The following SLC6A2 variants were observed in gnomAD, a reference collection of about 807,000 sequenced individuals.
SLC6A2 encodes solute carrier family 6 member 2.
A neutral mutation model predicts 71.7 loss-of-function variants in SLC6A2; 26 were observed. That is an observed-to-expected ratio of 0.36 (90% CI 0.27 to 0.50). The LOEUF is 0.50. Among genes scored for constraint, SLC6A2 ranks in the 20% least tolerant of loss-of-function variants. The pLI is 0.96. For synonymous variants in SLC6A2, 363 were observed against 337.9 expected (o/e 1.07, Z -0.82); for missense variants, 581 against 803.9 (o/e 0.72, Z 3.35).
rs1251396262 is a variant in SLC6A2, at chr16:55,703,805, A to C, written c.*1459A>C. The C allele has an allele frequency of 1.4e-5, 14 of 985,230 alleles. No homozygotes were observed. The highest frequency in any genetic ancestry group is 6.2e-5 in the Admixed American group (1 of 16,260). 61.0% of individuals were successfully genotyped at this position (985,230 alleles called of 1,614,324 possible). A position where few individuals can be genotyped will look rare whatever the true frequency, so the allele number is the denominator to read the frequency against. On this transcript the variant is annotated 3_prime_UTR_variant, in exon 15 of 15. Coordinates refer to ENST00000568943, the MANE Select transcript of SLC6A2 (RefSeq NM_001172501.3). ...GCACGTCAAGAAGGTGCTTTGCCTC[A>C]AATTGGGGTGTTGTTGAGCCTGGTG...
At chr16:55,657,309 G>T (rs77339125) in intron 2 of SLC6A2, among the ~76,000 whole-genome samples, 1 of 152,068 alleles carries the variant, frequency 6.6e-6, no homozygotes, top group South Asian at 2.1e-4. Context: ...TGCCAGGTTG[G>T]GTGGGGGAGC....
chr16:55,705,218 G>A lies in SLC6A2; in HGVS notation c.*2872G>A. On this transcript the variant is annotated 3_prime_UTR_variant, in exon 15 of 15. Coordinates refer to ENST00000568943, the MANE Select transcript of SLC6A2 (RefSeq NM_001172501.3). ...CCACCTTTTAGCTTTCATTCTAGAT[G>A]AAAACGAGACAAGGGAGAAGGAGAG... The A allele has an allele frequency of 6.5e-7, 1 of 1,535,810 alleles. No individual in the cohort carries two copies. The highest frequency in any genetic ancestry group is 8.7e-7 in the Non-Finnish European group (1 of 1,146,400).
chr16:55,682,352 G>T (rs1000996446), intron 4 of SLC6A2, among the ~76,000 whole-genome samples: 1 of 152,184 alleles, frequency 6.6e-6, no homozygotes, highest in Non-Finnish European at 1.5e-5. Flanking sequence ...TTAGAAATTT[G>T]CCACAAGTGA....
chr16:55,691,868 C>T (rs371256352), intron 5 of SLC6A2, 50 bp from the exon 6 acceptor site: 27 of 1,609,692 alleles, frequency 1.7e-5, no homozygotes, highest in African/African-American at 8.0e-5. Context: ...CAGCCCGCCA[C>T]GGGATTGGGG....
At chr16:55,666,096 G>T (rs779643125) in intron 2 of SLC6A2, among the ~76,000 whole-genome samples, 3 of 152,208 alleles carry the variant, frequency 2.0e-5, no homozygotes, top group Non-Finnish European at 4.4e-5. Flanking sequence ...CATGAGGCAT[G>T]CCCTGCCTGT....
At chr16:55,696,200 A>G in intron 8 of SLC6A2, 25 bp from the exon 9 acceptor site, 1 of 1,389,790 alleles carries the variant, frequency 7.2e-7, no homozygotes, top group East Asian at 2.3e-5. Context: ...TCAGCCATTG[A>G]TGAGGTCCTT....
At position 55,658,755 on chromosome 16, in the gene SLC6A2, G is replaced by A. The variant is rs561213923; in HGVS notation, c.274+1787G>A. ...GAGCTTCAGGGGCATCTGAGGTCTGGGGCCTGATCCGTGGGGAAACAACTT... is the reference window on the plus strand; with the variant it reads ...GAGCTTCAGGGGCATCTGAGGTCTGAGGCCTGATCCGTGGGGAAACAACTT... On this transcript the variant is annotated intron_variant, in intron 2 of 14. Transcript: ENST00000568943. Among the ~76,000 whole-genome samples the A allele has an allele frequency of 3.3e-5, 5 of 152,270 alleles. No individual in the cohort carries two copies. The South Asian group carries it at 1.0e-3, about 32-fold the overall frequency.
intron 11 of SLC6A2, among the ~76,000 whole-genome samples, 166 bp from the exon 12 acceptor site, chr16:55,699,388 C>T (rs1307849302): frequency 1.3e-5 from 2 of 152,178 alleles, no homozygotes; most frequent in Non-Finnish European, 2.9e-5. Context: ...TTGTCCTCTC[C>T]CTCATTCTGC....
At chr16:55,700,756 T>C (rs528773967) in intron 13 of SLC6A2, among the ~76,000 whole-genome samples, 2 of 152,300 alleles carry the variant, frequency 1.3e-5, no homozygotes, top group East Asian at 3.9e-4. Context: ...CCTAATAATC[T>C]GATCAGCCTA....
chr16:55,705,586 C>A lies in SLC6A2; in HGVS notation c.*3240C>A. 1 of 280,302 alleles carries A rather than the reference C, an allele frequency of 3.6e-6. No homozygotes were observed. The highest frequency in any genetic ancestry group is 6.6e-6 in the Non-Finnish European group (1 of 151,090). 17.4% of individuals were successfully genotyped at this position (280,302 alleles called of 1,614,324 possible). On this transcript the variant is annotated 3_prime_UTR_variant, in exon 15 of 15. Coordinates refer to ENST00000568943, the MANE Select transcript of SLC6A2 (RefSeq NM_001172501.3). ...ATAGTGGCTTCATCTTTTGGGGCTT[C>A]AAGATTCTTTGTCTTTAAAATCAGG...
intron 3 of SLC6A2, chr16:55,671,555 A>G: frequency 2.2e-6 from 1 of 456,970 alleles, no homozygotes; most frequent in Non-Finnish European, 3.9e-6. Flanking sequence ...CTGTATTTAC[A>G]GCTGCTCCCC....
chr16:55,666,072 G>A (rs1964742122), intron 2 of SLC6A2, among the ~76,000 whole-genome samples: 1 of 152,202 alleles, frequency 6.6e-6, no homozygotes, highest in Non-Finnish European at 1.5e-5. Flanking sequence ...CCAGGCACTG[G>A]GCACTGAGCT....
At chr16:55,661,698 C>T (rs923035618) in intron 2 of SLC6A2, among the ~76,000 whole-genome samples, 13 of 152,186 alleles carry the variant, frequency 8.5e-5, no homozygotes, top group Admixed American at 4.6e-4. Context: ...ATGGGCTTTG[C>T]TCCATTTCCT....
At chr16:55,698,604 C>T in intron 11 of SLC6A2, 36 bp downstream of exon 11, 2 of 1,431,672 alleles carry the variant, frequency 1.4e-6, no homozygotes, top group Non-Finnish European at 2.0e-6. Context: ...AGCTCCCAGT[C>T]CTCCTAGAAT....
At chr16:55,660,761 C>A (rs1964589650) in intron 2 of SLC6A2, among the ~76,000 whole-genome samples, 1 of 152,228 alleles carries the variant, frequency 6.6e-6, no homozygotes, top group Non-Finnish European at 1.5e-5. Context: ...CAGGGTTACA[C>A]TGAAGCCAGG....
chr16:55,685,203 G>C lies in SLC6A2; in HGVS notation c.705G>C (p.Trp235Cys), dbSNP rs773834750. Residue 235 changes from tryptophan (W) to cysteine (C), a missense_variant, in exon 5 of 15, where the codon TGG becomes TGC. By Grantham distance (215) the Trp-to-Cys change is radical. Around this residue, in one of 5 missense-constraint regions of SLC6A2, gnomAD observed 87 missense variants for 99.5 expected, o/e 0.87. Coordinates refer to ENST00000568943, the MANE Select transcript of SLC6A2 (RefSeq NM_001172501.3). ...TTCATGACATCGGCCTGCCCCAGTG[G>C]CAGCTCTTGCTCTGTCTGATGGTCG... is the stretch of plus-strand genomic sequence containing the variant. ...SGIHDIGLPQ[W>C]QLLLCLMVVV... The C allele has an allele frequency of 6.2e-7, 1 of 1,614,116 alleles. No homozygotes were observed. The highest frequency in any genetic ancestry group is 8.5e-7 in the Non-Finnish European group (1 of 1,179,966).
intron 4 of SLC6A2, among the ~76,000 whole-genome samples, chr16:55,682,150 G>A (rs543678121): frequency 1.1e-4 from 16 of 152,252 alleles, no homozygotes; most frequent in Non-Finnish European, 1.8e-4. Context: ...CAGGTGATCC[G>A]CCTGCCTTGG....
At chr16:55,657,670 C>T (rs1198100055) in intron 2 of SLC6A2, among the ~76,000 whole-genome samples, 1 of 152,168 alleles carries the variant, frequency 6.6e-6, no homozygotes, top group Non-Finnish European at 1.5e-5. Flanking sequence ...ACCTCTACCT[C>T]CTCAAGTTCT....
In SLC6A2 at chr16:55,702,914, C is replaced by T; in HGVS notation, c.*568C>T. On this transcript the variant is annotated 3_prime_UTR_variant, in exon 15 of 15. Transcript: ENST00000568943. ...GATTTATTTGTCTCTAAAATGAAGT[C>T]AGTGGATAGATGCTTTGAGGGATTT... is the stretch of plus-strand genomic sequence containing the variant. 6.1e-6 allele frequency: 6 copies of T among 989,910 alleles called. No homozygotes were observed. Among genetic ancestry groups the T allele is most frequent in the Non-Finnish European group, 7.2e-6 (6 of 832,678 alleles). 61.3% of individuals were successfully genotyped at this position (989,910 alleles called of 1,614,324 possible).
Sources: gnomAD v4.1 joint callset for allele counts (sites outside exome capture counted in the v4.1 genomes callset) on GRCh38, gnomAD v4.1.1 for gene constraint, gnomAD v4.1.1 regional missense constraint, MANE v1.5 for transcripts, NCBI Gene and HGNC (gene_info 2026-07-23, HGNC 2026-07-21) for gene names.